Variants in FSTL5 observed in about 807,000 individuals in gnomAD.
FSTL5 encodes follistatin like 5.
FSTL5 carries 62 observed loss-of-function variants against 89.1 expected under a neutral mutation model. The observed-to-expected ratio is 0.70, with a 90% CI of 0.57 to 0.86. The LOEUF is 0.86. FSTL5 is among the 40% of genes least tolerant of loss of function. The pLI, the probability that FSTL5 is intolerant of heterozygous loss-of-function variation, is 0.00. For synonymous variants in FSTL5, 383 were observed against 346.2 expected, an observed-to-expected ratio of 1.11 and a Z score of -1.18; for missense variants, 1,057 against 1,001.6, an observed-to-expected ratio of 1.06 and a Z score of -0.75.
chr4:161,498,495 G>A (rs906577304), intron 12 of FSTL5, among the ~76,000 whole-genome samples: 14 of 152,028 alleles, frequency 9.2e-5, no homozygotes, highest in Non-Finnish European at 1.5e-5. Context: ...CTCTAAATTT[G>A]CAAATCAGAT....
At chr4:161,967,412 A>T (rs191176748) in intron 3 of FSTL5, among the ~76,000 whole-genome samples, 1 of 152,070 alleles carries the variant, frequency 6.6e-6, no homozygotes, top group East Asian at 1.9e-4. Flanking sequence ...AATAGAAAAA[A>T]ATTAAAAGAA....
At chr4:161,510,336 T>A (rs1462740477) in intron 11 of FSTL5, 62 bp downstream of exon 11, 1 of 980,240 alleles carries the variant, frequency 1.0e-6, no homozygotes, top group Non-Finnish European at 1.5e-6. Context: ...CAAAATATAA[T>A]CAACAAATCT....
At chr4:161,472,259 G>A (rs1290084291) in intron 13 of FSTL5, among the ~76,000 whole-genome samples, 2 of 152,098 alleles carry the variant, frequency 1.3e-5, no homozygotes, top group East Asian at 1.9e-4. Flanking sequence ...TTGCAGGCGT[G>A]AGCCACCGCA....
intron 12 of FSTL5, among the ~76,000 whole-genome samples, chr4:161,494,757 G>A (rs1730005476): frequency 6.6e-6 from 1 of 152,106 alleles, no homozygotes; most frequent in Non-Finnish European, 1.5e-5. Context: ...TATCATTTAA[G>A]TTAGCACTAA....
At chr4:161,944,485 T>C (rs1277632323) in intron 3 of FSTL5, among the ~76,000 whole-genome samples, 1 of 152,006 alleles carries the variant, frequency 6.6e-6, no homozygotes, top group Non-Finnish European at 1.5e-5. Flanking sequence ...TGTTGGTTAA[T>C]TAGAAAAGAA....
intron 1 of FSTL5, among the ~76,000 whole-genome samples, chr4:162,120,364 A>G (rs890073664): frequency 1.3e-5 from 2 of 152,104 alleles, no homozygotes; most frequent in East Asian, 1.9e-4. Flanking sequence ...TTTGTTGTCC[A>G]AAACCATCCA....
chr4:161,776,702 CAAAT>C (rs906931131), intron 4 of FSTL5, among the ~76,000 whole-genome samples: 3 of 151,178 alleles, frequency 2.0e-5, no homozygotes, highest in African/African-American at 2.4e-5. Context: ...TTAGTTGTTA[CAAAT>C]AAATAATGTT....
intron 2 of FSTL5, among the ~76,000 whole-genome samples, chr4:162,096,051 T>C (rs1730737789): frequency 6.6e-6 from 1 of 151,980 alleles, no homozygotes; most frequent in South Asian, 2.1e-4. Flanking sequence ...AATGAAGATA[T>C]TACCCTTGTG....
At chr4:161,609,979 T>G (rs909455429) in intron 7 of FSTL5, among the ~76,000 whole-genome samples, 4 of 152,180 alleles carry the variant, frequency 2.6e-5, no homozygotes, top group Non-Finnish European at 5.9e-5. Context: ...CCTAATGTAT[T>G]TTTTGACATT....
chr4:161,641,554 C>T (rs1392119060), intron 7 of FSTL5, among the ~76,000 whole-genome samples: 7 of 148,934 alleles, frequency 4.7e-5, no homozygotes, highest in Admixed American at 3.4e-4. Flanking sequence ...TGCAGTGGCG[C>T]GATCTCGGCT....
chr4:161,532,169 C>A (rs912058998), intron 10 of FSTL5, among the ~76,000 whole-genome samples: 25 of 150,334 alleles, frequency 1.7e-4, no homozygotes, highest in Non-Finnish European at 3.2e-4. Flanking sequence ...CACGCCACTC[C>A]AGCCTGGGCA....
chr4:161,927,797 AT>A (rs1734167345), intron 3 of FSTL5, among the ~76,000 whole-genome samples: 1 of 151,746 alleles, frequency 6.6e-6, no homozygotes, highest in Non-Finnish European at 1.5e-5. Flanking sequence ...GAAGAAATGT[AT>A]TTTTTCTTTA....
chr4:161,399,308 C>T lies in FSTL5; in HGVS notation c.1842-12859G>A, dbSNP rs544874936. Among the ~76,000 whole-genome samples, 282 of 151,986 alleles carry T rather than the reference C, an allele frequency of 1.9e-3. 1 individual carries two copies. The highest frequency in any genetic ancestry group is 5.9e-3 in the African/African-American group (246 of 41,486). On this transcript the variant is annotated intron_variant, in intron 15 of 15. Coordinates refer to ENST00000306100, the MANE Select transcript of FSTL5 (RefSeq NM_020116.5). ...AGCCTACTGCTGACCTGAAGCCTTA[C>T]GGTAACATAAACAATTAACACATAT...
chr4:162,158,866 C>G (rs1733584289), intron 1 of FSTL5, among the ~76,000 whole-genome samples: 1 of 152,018 alleles, frequency 6.6e-6, no homozygotes, highest in Non-Finnish European at 1.5e-5. Context: ...AAAGCAAATT[C>G]AGGATCAAAG....
chr4:162,121,527 G>C (rs1260642210), intron 1 of FSTL5, among the ~76,000 whole-genome samples: 3 of 152,038 alleles, frequency 2.0e-5, no homozygotes, highest in Non-Finnish European at 4.4e-5. Context: ...GATTATGTAT[G>C]TTGGTATACA....
chr4:161,627,085 G>T (rs1057429033), intron 7 of FSTL5, among the ~76,000 whole-genome samples: 2 of 152,208 alleles, frequency 1.3e-5, no homozygotes, highest in Non-Finnish European at 2.9e-5. Context: ...AAGGGTTTAA[G>T]ATAATTGACT....
chr4:161,495,097 T>C (rs1730018467), intron 12 of FSTL5: 1 of 152,074 alleles, frequency 6.6e-6, no homozygotes, highest in South Asian at 2.1e-4. Context: ...AACAGATAAG[T>C]AATAGATCTT....
At chr4:161,589,426 G>A (rs62324351) in intron 7 of FSTL5, among the ~76,000 whole-genome samples, 27,868 of 151,676 alleles carry the variant, frequency 0.18, 3,138 homozygotes, top group Non-Finnish European at 0.23. Flanking sequence ...CAGGTGATCC[G>A]GCCGCCTCAG....
intron 3 of FSTL5, among the ~76,000 whole-genome samples, chr4:162,029,664 T>C (rs558957826): frequency 1.3e-5 from 2 of 152,202 alleles, no homozygotes; most frequent in Admixed American, 6.6e-5. Flanking sequence ...ATTTTTTTTC[T>C]TAAAGTTATG....
Sources: allele counts gnomAD v4.1 joint callset (sites outside exome capture counted in the v4.1 genomes callset), GRCh38; gene constraint gnomAD v4.1.1; transcripts MANE v1.5; gene names NCBI Gene and HGNC (gene_info 2026-07-23, HGNC 2026-07-21).